The following NXPH2 variants were observed in gnomAD, a reference collection of about 807,000 sequenced individuals.
The protein encoded by NXPH2 is neurexophilin 2.
In NXPH2, 5 loss-of-function variants were observed where a neutral mutation model predicts 19.8. The observed-to-expected ratio is 0.25, with a 90% CI of 0.13 to 0.53. NXPH2 has a LOEUF of 0.53. Ranked by LOEUF, NXPH2 falls within the 20% of genes least tolerant of loss-of-function variation. The pLI, the probability that NXPH2 is intolerant of heterozygous loss-of-function variation, is 0.96. For missense variants in NXPH2, 289 were observed against 322.8 expected (o/e 0.90, Z 0.80); for synonymous variants, 154 against 127.4 (o/e 1.21, Z -1.41).
intron 1 of NXPH2, among the ~76,000 whole-genome samples, chr2:138,677,322 C>T (rs7566008): frequency 0.25 from 38,253 of 152,116 alleles, 5,171 homozygotes; most frequent in Non-Finnish European, 0.31. Flanking sequence ...AATTGCTGTG[C>T]TTTATCTGTT....
intron 1 of NXPH2, among the ~76,000 whole-genome samples, chr2:138,684,164 A>G (rs1345857697): frequency 1.3e-5 from 2 of 152,184 alleles, no homozygotes; most frequent in Non-Finnish European, 2.9e-5. Flanking sequence ...GTAGGGCAGG[A>G]AATAGCCTTA....
intron 1 of NXPH2, among the ~76,000 whole-genome samples, chr2:138,723,350 G>A (rs1168648230): frequency 6.6e-6 from 1 of 152,170 alleles, no homozygotes; most frequent in East Asian, 1.9e-4. Flanking sequence ...GAAAAATCAT[G>A]GTTGAGTGTA....
At chr2:138,714,183 T>C (rs1681155099) in intron 1 of NXPH2, among the ~76,000 whole-genome samples, 1 of 152,150 alleles carries the variant, frequency 6.6e-6, no homozygotes, top group African/African-American at 2.4e-5. Context: ...TAACTCTGCT[T>C]CTCTCTTGCT....
chr2:138,700,091 C>T (rs1475055300), intron 1 of NXPH2, among the ~76,000 whole-genome samples: 1 of 152,150 alleles, frequency 6.6e-6, no homozygotes, highest in African/African-American at 2.4e-5. Context: ...GATGAGAGAT[C>T]AGGGCACAGA....
chr2:138,715,406 A>G (rs1453542456), intron 1 of NXPH2, among the ~76,000 whole-genome samples: 1 of 152,258 alleles, frequency 6.6e-6, no homozygotes, highest in Non-Finnish European at 1.5e-5. Context: ...TTAATTTGTC[A>G]TAATGTGTGT....
chr2:138,674,429 C>A (rs1375656978), intron 1 of NXPH2, among the ~76,000 whole-genome samples: 1 of 152,126 alleles, frequency 6.6e-6, no homozygotes, highest in African/African-American at 2.4e-5. Flanking sequence ...GTCAGGATTA[C>A]AGGTGTGAGC....
chr2:138,744,922 G>C (rs1251896076), intron 1 of NXPH2, among the ~76,000 whole-genome samples: 1 of 152,192 alleles, frequency 6.6e-6, no homozygotes, highest in Non-Finnish European at 1.5e-5. Flanking sequence ...TGTTCCTGGA[G>C]AGTGCAGGAC....
At chr2:138,765,763 G>T (rs1682079942) in intron 1 of NXPH2, among the ~76,000 whole-genome samples, 1 of 152,124 alleles carries the variant, frequency 6.6e-6, no homozygotes, top group South Asian at 2.1e-4. Flanking sequence ...TATAACCTGG[G>T]TTTGTGATAA....
At chr2:138,693,931 C>T (rs1293174224) in intron 1 of NXPH2, among the ~76,000 whole-genome samples, 1 of 152,092 alleles carries the variant, frequency 6.6e-6, no homozygotes, top group Non-Finnish European at 1.5e-5. Context: ...ACCTGGTAGG[C>T]TTTAAAAATA....
chr2:138,733,852 G>C (rs746143926), intron 1 of NXPH2, among the ~76,000 whole-genome samples: 1 of 152,170 alleles, frequency 6.6e-6, no homozygotes, highest in Admixed American at 6.5e-5. Context: ...TGAAAACAAA[G>C]TCAGGGATAG....
At chr2:138,742,477 A>G (rs529940982) in intron 1 of NXPH2, among the ~76,000 whole-genome samples, 1 of 152,300 alleles carries the variant, frequency 6.6e-6, no homozygotes, top group African/African-American at 2.4e-5. Flanking sequence ...ATCAGAATGT[A>G]TTTCTGACAG....
chr2:138,676,263 C>A (rs982603565), intron 1 of NXPH2, among the ~76,000 whole-genome samples: 3 of 152,124 alleles, frequency 2.0e-5, no homozygotes, highest in Non-Finnish European at 2.9e-5. Flanking sequence ...AATTTTATCT[C>A]CCCTCCCAAC....
At position 138,671,197 on chromosome 2, in the gene NXPH2, G is replaced by A; in HGVS notation, c.520C>T (p.Gln174Ter). Residue 174 changes from glutamine (Q) to a stop codon, truncating the protein, a stop_gained, in exon 2 of 2, where the codon CAG (glutamine) becomes TAG (stop). Coordinates refer to ENST00000272641, the MANE Select transcript of NXPH2 (RefSeq NM_007226.3). LOFTEE classifies it high-confidence loss of function. ...GATTCCTTGGTCTCCAAGGTAGACT[G>A]GGGGGAAACTTCAAATTCCACCACC... ...SKVVEFEVSP[Q>*]STLETKESKS... is the part of the protein sequence containing the mutation. 1 of 1,613,776 alleles carries A rather than the reference G, an allele frequency of 6.2e-7. No homozygotes were observed. The highest frequency in any genetic ancestry group is 8.5e-7 in the Non-Finnish European group (1 of 1,179,786).
At chr2:138,680,208 C>T (rs746352939) in intron 1 of NXPH2, among the ~76,000 whole-genome samples, 1 of 152,172 alleles carries the variant, frequency 6.6e-6, no homozygotes, top group Non-Finnish European at 1.5e-5. Context: ...GCCACATTCC[C>T]TCTCTGAGCT....
intron 1 of NXPH2, among the ~76,000 whole-genome samples, chr2:138,746,234 C>G (rs920631360): frequency 1.3e-4 from 20 of 152,252 alleles, no homozygotes; most frequent in African/African-American, 4.8e-4. Flanking sequence ...CCTATGGAGA[C>G]TTCTTCACAG....
chr2:138,727,451 TTTTG>T (rs767235448), intron 1 of NXPH2, among the ~76,000 whole-genome samples: 30 of 152,152 alleles, frequency 2.0e-4, no homozygotes, highest in African/African-American at 4.6e-4. Context: ...TCTCACTGTT[TTTTG>T]TTTGTTTGTT....
intron 1 of NXPH2, among the ~76,000 whole-genome samples, chr2:138,706,585 G>T (rs1213016964): frequency 1.3e-5 from 2 of 152,160 alleles, no homozygotes; most frequent in African/African-American, 2.4e-5. Context: ...TAGATAGGCT[G>T]ATGAATATGA....
At chr2:138,751,033 C>A (rs1307026414) in intron 1 of NXPH2, among the ~76,000 whole-genome samples, 1 of 150,258 alleles carries the variant, frequency 6.7e-6, no homozygotes, top group Non-Finnish European at 1.5e-5. Flanking sequence ...TCCCCACCCC[C>A]ACCCCCATCT....
Position 138,717,404 on chromosome 2 carries a change from C to T in NXPH2, c.52-45739G>A, listed in dbSNP as rs929820498. On this transcript the variant is annotated intron_variant, in intron 1 of 1. Transcript: ENST00000272641. ...ACTTATAAGCAACAGAAACATCTCACAGTTCTGGAAGCTGGAAAATCCATG... is the reference window on the plus strand; with the variant it reads ...ACTTATAAGCAACAGAAACATCTCATAGTTCTGGAAGCTGGAAAATCCATG... 2.6e-5 allele frequency among the ~76,000 whole-genome samples: 4 copies of T among 151,412 alleles called. No homozygotes were observed. The East Asian group carries it at 7.7e-4, about 29-fold the overall frequency.
Sources: gnomAD v4.1 joint callset for allele counts (sites outside exome capture counted in the v4.1 genomes callset) on GRCh38, gnomAD v4.1.1 for gene constraint, MANE v1.5 for transcripts, NCBI Gene and HGNC (gene_info 2026-07-23, HGNC 2026-07-21) for gene names.